Variants in CD81 observed in about 807,000 individuals in gnomAD.
CD81 encodes CD81 antigen.
CD81 carries 10 observed loss-of-function variants against 30.1 expected under a neutral mutation model. That is an observed-to-expected ratio of 0.33 (90% CI 0.21 to 0.56). The LOEUF (loss-of-function observed/expected upper bound fraction) is 0.56, where lower values mean the gene tolerates loss of function less well. CD81 is among the 20% of genes least tolerant of loss of function. The pLI is 0.89. For missense variants in CD81, 263 were observed against 308.7 expected (o/e 0.85, Z 1.11); for synonymous variants, 147 against 126.4 (o/e 1.16, Z -1.10).
chr11:2,394,324 T>G, intron 3 of CD81, 132 bp downstream of exon 3: 2 of 630,448 alleles, frequency 3.2e-6, no homozygotes. Context: ...TGTGCCCTGC[T>G]TTTCCCGTTT....
At chr11:2,386,895 C>A (rs1236862907) in intron 1 of CD81, among the ~76,000 whole-genome samples, 1 of 152,238 alleles carries the variant, frequency 6.6e-6, no homozygotes, top group Admixed American at 6.5e-5. Flanking sequence ...TTCCCTGCAA[C>A]CCTCGGCAGA....
intron 1 of CD81, among the ~76,000 whole-genome samples, chr11:2,387,540 C>A (rs538446096): frequency 6.6e-6 from 1 of 152,302 alleles, no homozygotes; most frequent in African/African-American, 2.4e-5. Flanking sequence ...CTGGGGCCAC[C>A]CCCCAGCCCC....
chr11:2,397,162 C>A lies in CD81; in HGVS notation c.*296C>A. ...GCTCTGCCTGCTCAGCCAGGCCTCT[C>A]CTGGGAGCCACTCGCCCAGAGACTC... On this transcript the variant is annotated 3_prime_UTR_variant, in exon 8 of 8. Coordinates refer to ENST00000263645, the MANE Select transcript of CD81 (RefSeq NM_004356.4). The A allele has an allele frequency of 2.1e-6, 1 of 481,624 alleles. No homozygotes were observed. Among genetic ancestry groups the A allele is most frequent in the Non-Finnish European group, 3.8e-6 (1 of 263,092 alleles). 29.8% of individuals were successfully genotyped at this position (481,624 alleles called of 1,614,324 possible).
At chr11:2,394,548 G>A (rs1849962937) in intron 3 of CD81, among the ~76,000 whole-genome samples, 1 of 152,206 alleles carries the variant, frequency 6.6e-6, no homozygotes, top group Non-Finnish European at 1.5e-5. Context: ...GGGAGCCTAT[G>A]CCCGTGTCTC....
intron 1 of CD81, among the ~76,000 whole-genome samples, chr11:2,387,431 C>T (rs759129995): frequency 4.9e-4 from 74 of 152,350 alleles, no homozygotes; most frequent in Middle Eastern, 3.4e-3. Flanking sequence ...TGGAGGAAGC[C>T]AGAGTTACCA....
chr11:2,390,618 G>C (rs1849881781), intron 2 of CD81, 92 bp downstream of exon 2: 4 of 920,976 alleles, frequency 4.3e-6, no homozygotes, highest in Non-Finnish European at 7.1e-6. Flanking sequence ...GAGGGTGAAA[G>C]ACAGTCGGGC....
At chr11:2,395,543 C>T (rs764696445) in intron 5 of CD81, 23 bp downstream of exon 5, 24 of 1,587,704 alleles carry the variant, frequency 1.5e-5, no homozygotes, top group Middle Eastern at 1.7e-4. Flanking sequence ...GGGGCGAGGG[C>T]GGGGAGCAGG....
At chr11:2,395,349 G>A (rs1564995425) in intron 4 of CD81, 67 bp from the exon 5 acceptor site, 7 of 1,301,186 alleles carry the variant, frequency 5.4e-6, no homozygotes, top group Non-Finnish European at 7.7e-6. Context: ...GTCCGCCTGG[G>A]GCGGGGCGGG....
chr11:2,391,806 C>T (rs75156915), intron 2 of CD81: 11,380 of 152,326 alleles, frequency 0.075, 1,197 homozygotes, highest in African/African-American at 0.23. Context: ...TGCCTGTGTC[C>T]TCAGAAGCAC....
chr11:2,386,438 TTGGGGATTTGG>T (rs1191350696), intron 1 of CD81: 6 of 674,112 alleles, frequency 8.9e-6, no homozygotes, highest in Non-Finnish European at 5.5e-6. Flanking sequence ...ACCACGGGGC[TTGGGGATTTGG>T]TGCTGCCATT....
chr11:2,389,076 G>T (rs1423301969), intron 1 of CD81, among the ~76,000 whole-genome samples: 3 of 152,120 alleles, frequency 2.0e-5, no homozygotes, highest in Non-Finnish European at 2.9e-5. Context: ...GTGGGCCAGG[G>T]ACCCTGGAAC....
chr11:2,389,914 T>A (rs1362232425), intron 1 of CD81, among the ~76,000 whole-genome samples: 1 of 152,082 alleles, frequency 6.6e-6, no homozygotes, highest in Non-Finnish European at 1.5e-5. Context: ...CTCAGAACTC[T>A]TGGGGCGCTG....
intron 1 of CD81, chr11:2,385,724 C>G (rs1370611317): frequency 4.7e-6 from 2 of 421,084 alleles, no homozygotes; most frequent in African/African-American, 2.0e-5. Flanking sequence ...GTGGTGTGCC[C>G]TTCGTCTGTT....
chr11:2,395,537 C>T lies in CD81; in HGVS notation c.459+17C>T, dbSNP rs766019698. ...CACGAGACGGTGCGGCCCCGGGGGGCGAGGGCGGGGAGCAGGGCCCCGGGA... is the reference window on the plus strand; with the variant it reads ...CACGAGACGGTGCGGCCCCGGGGGGTGAGGGCGGGGAGCAGGGCCCCGGGA... On this transcript the variant is annotated intron_variant, in intron 5 of 7. Coordinates refer to ENST00000263645, the MANE Select transcript of CD81 (RefSeq NM_004356.4). 12 of 1,600,746 alleles carry T rather than the reference C, an allele frequency of 7.5e-6. No individual in the cohort carries two copies. Among genetic ancestry groups the T allele is most frequent in the African/African-American group, 6.7e-5 (5 of 74,596 alleles).
At position 2,396,664 on chromosome 11, in the gene CD81, G is replaced by A. The variant is rs769059226; in HGVS notation, c.598G>A (p.Gly200Arg). Residue 200 changes from glycine to arginine, a missense_variant, in exon 7 of 8, where the codon GGG becomes AGG. By Grantham distance (125) the Gly-to-Arg change is moderately radical (BLOSUM62 -2). Around this residue, in one of 3 missense-constraint regions of CD81, gnomAD observed 176 missense variants for 192.9 expected, o/e 0.91. Transcript: ENST00000263645. ...CCAGAAGATCGATGACCTCTTCTCC[G>A]GGAAGCTGTACCTCATCGGCATTGC... is the stretch of plus-strand genomic sequence containing the variant. ...CHQKIDDLFS[G>R]KLYLIGIAAI... 9 of 1,611,716 alleles carry A rather than the reference G, an allele frequency of 5.6e-6. No homozygotes were observed. The highest frequency in any genetic ancestry group is 1.1e-5 in the South Asian group (1 of 91,096).
At chr11:2,395,642 C>T in intron 5 of CD81, 122 bp downstream of exon 5, 1 of 843,168 alleles carries the variant, frequency 1.2e-6, no homozygotes, top group South Asian at 1.4e-5. Context: ...TTGGGACCTC[C>T]AGGACCCCTG....
In CD81 at chr11:2,395,424, G is replaced by A. The variant is rs567275140; in HGVS notation, c.363G>A (p.Lys121=). 5.6e-6 allele frequency: 9 copies of A among 1,612,382 alleles called. No homozygotes were observed. In the Admixed American group the frequency reaches 1.3e-4, roughly 24 times the overall value. The part of the protein sequence containing the change: ...WGFVNKDQIA[K]DVKQFYDQAL... Reference sequence around the variant, plus strand: ...CCGCACCCCTCCCCCAGATCGCCAAGGATGTGAAGCAGTTCTATGACCAGG... The same window carrying A: ...CCGCACCCCTCCCCCAGATCGCCAAAGATGTGAAGCAGTTCTATGACCAGG... The change falls in exon 5 of 8, where the codon AAG becomes AAA. Residue 121 remains lysine (K), a synonymous_variant. Coordinates refer to ENST00000263645, the MANE Select transcript of CD81 (RefSeq NM_004356.4).
At chr11:2,379,222 G>A (rs1363349309) in intron 1 of CD81, 1 of 450,992 alleles carries the variant, frequency 2.2e-6, no homozygotes, top group African/African-American at 2.0e-5. Context: ...TGTGGACCTG[G>A]GGGTGGGGGC....
At position 2,396,923 on chromosome 11, in the gene CD81, C is replaced by G; in HGVS notation, c.*57C>G. 6.6e-7 allele frequency: 1 copy of G among 1,508,058 alleles called. No individual in the cohort carries two copies. Among genetic ancestry groups the G allele is most frequent in the Non-Finnish European group, 9.2e-7 (1 of 1,088,246 alleles). 93.4% of individuals were successfully genotyped at this position (1,508,058 alleles called of 1,614,324 possible). A position where few individuals can be genotyped will look rare whatever the true frequency, so the allele number is the denominator to read the frequency against. On this transcript the variant is annotated 3_prime_UTR_variant, in exon 8 of 8. Coordinates refer to ENST00000263645, the MANE Select transcript of CD81 (RefSeq NM_004356.4). ...CAGTGCCCCCTAAGTGACCCGGACA[C>G]TTCCGAGGGGGCCATCACCGCCTGT...
Sources: allele counts gnomAD v4.1 joint callset (sites outside exome capture counted in the v4.1 genomes callset), GRCh38; gene constraint gnomAD v4.1.1; regional missense constraint gnomAD v4.1.1; transcripts MANE v1.5; gene names NCBI Gene and HGNC (gene_info 2026-07-23, HGNC 2026-07-21).